Variants in PDIA4 observed in about 807,000 individuals in gnomAD.
The protein encoded by PDIA4 is protein disulfide-isomerase A4.
Under a neutral mutation model 62.1 loss-of-function variants are expected in PDIA4, and 33 were observed. The ratio of observed to expected loss-of-function variants is 0.53; its 90% CI spans 0.40 to 0.71. PDIA4 has a LOEUF of 0.71. PDIA4 is among the 30% of genes least tolerant of loss of function. The pLI, the probability that PDIA4 is intolerant of heterozygous loss-of-function variation, is 0.00. For missense variants in PDIA4, 804 were observed against 813.6 expected (o/e 0.99, Z 0.14); for synonymous variants, 341 against 324.1 (o/e 1.05, Z -0.56).
chr7:149,028,176 A>T, intron 1 of PDIA4, 145 bp downstream of exon 1: 2 of 617,278 alleles, frequency 3.2e-6, no homozygotes, highest in South Asian at 2.0e-5. Context: ...CAACTCCGCC[A>T]AGTTTACCCC....
At chr7:149,014,048 C>G (rs1413021209) in intron 4 of PDIA4, among the ~76,000 whole-genome samples, 1 of 152,210 alleles carries the variant, frequency 6.6e-6, no homozygotes, top group South Asian at 2.1e-4. Flanking sequence ...TCTCCCAGAT[C>G]ATTTCCTTCT....
chr7:149,023,422 T>C (rs998465018), intron 1 of PDIA4, among the ~76,000 whole-genome samples: 4 of 152,230 alleles, frequency 2.6e-5, no homozygotes, highest in African/African-American at 9.6e-5. Context: ...TCATTAAGAC[T>C]AAGCCCAAGT....
At chr7:149,017,638 T>C (rs1349578421) in intron 3 of PDIA4, among the ~76,000 whole-genome samples, 2 of 147,778 alleles carry the variant, frequency 1.4e-5, no homozygotes, top group African/African-American at 4.9e-5. Flanking sequence ...CAAAATAAAA[T>C]TAAATACATT....
At position 149,012,141 on chromosome 7, in the gene PDIA4, G is replaced by C; in HGVS notation, c.820+14C>G. 6.2e-7 allele frequency: 1 copy of C among 1,613,670 alleles called. No homozygotes were observed. The highest frequency in any genetic ancestry group is 8.5e-7 in the Non-Finnish European group (1 of 1,179,568). ...CCTTCCCCACTGTAGTGGGAGAGAA[G>C]GGAGTGGCCATACCATATTTTTCTC... On this transcript the variant is annotated intron_variant, in intron 5 of 9. Transcript: ENST00000652332.
rs368833465 is a variant in PDIA4, at chr7:149,015,091, C to A, written c.476-49G>T. 6.9e-6 allele frequency: 11 copies of A among 1,598,428 alleles called. No homozygotes were observed. In the African/African-American group the frequency reaches 1.3e-4, roughly 19 times the overall value. On this transcript the variant is annotated intron_variant, in intron 3 of 9. Transcript: ENST00000652332. Reference sequence around the variant, plus strand: ...AGCACACAAGGCCCAAACTGGCAGGCACTTCACCTCCCTCCAGAAGCAGAT... The same window carrying A: ...AGCACACAAGGCCCAAACTGGCAGGAACTTCACCTCCCTCCAGAAGCAGAT...
rs542391899 is a variant in PDIA4, at chr7:149,010,265, C to T, written c.979+1581G>A. On this transcript the variant is annotated intron_variant, in intron 6 of 9. Transcript: ENST00000652332. ...CTGTAATCCCAGCACTGTGGGAGGCCGAGGCAGGAGGATCACTTGAGCCCA... is the reference window on the plus strand; with the variant it reads ...CTGTAATCCCAGCACTGTGGGAGGCTGAGGCAGGAGGATCACTTGAGCCCA... Among the ~76,000 whole-genome samples the T allele has an allele frequency of 6.8e-4, 104 of 152,132 alleles. 1 individual carries two copies. The highest frequency in any genetic ancestry group is 6.8e-3 in the Middle Eastern group (2 of 294).
intron 4 of PDIA4, among the ~76,000 whole-genome samples, chr7:149,013,899 T>C (rs1389609427): frequency 6.6e-6 from 1 of 152,132 alleles, no homozygotes; most frequent in Non-Finnish European, 1.5e-5. Flanking sequence ...CAGTTAGATG[T>C]GCAGCTGCCA....
At chr7:149,013,104 T>C (rs572095024) in intron 4 of PDIA4, among the ~76,000 whole-genome samples, 1 of 152,094 alleles carries the variant, frequency 6.6e-6, no homozygotes, top group South Asian at 2.1e-4. Context: ...AGAAACTAGC[T>C]GGGCATGGTG....
At chr7:149,026,629 C>T (rs988327489) in intron 1 of PDIA4, among the ~76,000 whole-genome samples, 1 of 151,140 alleles carries the variant, frequency 6.6e-6, no homozygotes, top group Non-Finnish European at 1.5e-5. Flanking sequence ...CCAGCCTGGG[C>T]GACAGAGCCA....
intron 4 of PDIA4, 148 bp from the exon 5 acceptor site, chr7:149,012,508 C>A (rs1269214186): frequency 2.3e-5 from 15 of 664,296 alleles, no homozygotes; most frequent in Non-Finnish European, 2.9e-5. Flanking sequence ...CTCAGGCCCT[C>A]AGGTGCTGTT....
chr7:149,005,010 G>A, intron 9 of PDIA4, 131 bp downstream of exon 9: 2 of 722,786 alleles, frequency 2.8e-6, no homozygotes, highest in South Asian at 3.3e-5. Context: ...TCGGGGGTGA[G>A]AGAGGACTGC....
In PDIA4 at chr7:149,003,690, G is replaced by A; in HGVS notation, c.*104C>T. ...ATAAAAAATTAAAAAAAAAAAAAAA[G>A]GAATCCGAGATACTGTCGTTTGTTG... On this transcript the variant is annotated 3_prime_UTR_variant, in exon 10 of 10. Coordinates refer to ENST00000652332, the MANE Select transcript of PDIA4 (RefSeq NM_004911.5). The A allele has an allele frequency of 9.8e-6, 7 of 712,574 alleles. No homozygotes were observed. In the South Asian group the frequency reaches 1.0e-4, roughly 10 times the overall value. The allele number at this position is 712,574 out of a possible 1,614,324, so 44.1% of individuals were successfully genotyped here.
chr7:149,021,488 CAAAAAA>C (rs34989074), intron 1 of PDIA4, among the ~76,000 whole-genome samples: 1 of 64,932 alleles, frequency 1.5e-5, no homozygotes, highest in Non-Finnish European at 2.8e-5. Flanking sequence ...CACTTCATCT[CAAAAAA>C]AAAAAAAAAA....
In PDIA4 at chr7:149,021,346, G is replaced by A. The variant is rs185719794; in HGVS notation, c.89-199C>T. Among the ~76,000 whole-genome samples the A allele has an allele frequency of 7.4e-3, 1,123 of 151,950 alleles. 10 individuals are homozygous for A. The highest frequency in any genetic ancestry group is 0.024 in the Middle Eastern group (7 of 294). On this transcript the variant is annotated intron_variant, in intron 1 of 9. Transcript: ENST00000652332. The stretch of plus-strand genomic sequence containing the variant: ...TCTACTAAAAATACAAAAATTAGCC[G>A]GGCATGGTGGCACGCGCCTGTAGTC...
intron 3 of PDIA4, among the ~76,000 whole-genome samples, chr7:149,018,357 G>A (rs990207588): frequency 5.3e-5 from 8 of 152,086 alleles, no homozygotes; most frequent in African/African-American, 1.2e-4. Flanking sequence ...GATGACTGAC[G>A]CTTGCTAAAC....
intron 9 of PDIA4, 49 bp downstream of exon 9, chr7:149,005,092 G>A (rs368237309): frequency 8.9e-6 from 13 of 1,453,488 alleles, no homozygotes; most frequent in African/African-American, 8.3e-5. Context: ...GATTCCGCAC[G>A]AGGAGCACAG....
chr7:149,010,593 A>G (rs1481829764), intron 6 of PDIA4, among the ~76,000 whole-genome samples: 1 of 152,108 alleles, frequency 6.6e-6, no homozygotes. Context: ...GCAGAGACAG[A>G]CCCGCATCAA....
Position 149,005,383 on chromosome 7 carries a change from G to C in PDIA4, c.1289-9C>G, listed in dbSNP as rs767444606. 6.3e-6 allele frequency: 10 copies of C among 1,598,334 alleles called. No individual in the cohort carries two copies. The Admixed American group carries it at 1.0e-4, about 16-fold the overall frequency. On this transcript the variant is annotated splice_polypyrimidine_tract_variant and intron_variant, in intron 8 of 9. Coordinates refer to ENST00000652332, the MANE Select transcript of PDIA4 (RefSeq NM_004911.5). ...CCGCCAAAACTGAGTTGCTGAAAGG[G>C]ACCAAGGGCCATAAGCCAGGCGGCC...
At position 149,014,830 on chromosome 7, in the gene PDIA4, G is replaced by T. The variant is rs957061826; in HGVS notation, c.614+74C>A. The T allele has an allele frequency of 9.7e-6, 14 of 1,436,954 alleles. No individual in the cohort carries two copies. In the South Asian group the frequency reaches 1.3e-4, roughly 14 times the overall value. 89.0% of individuals were successfully genotyped at this position (1,436,954 alleles called of 1,614,324 possible). On this transcript the variant is annotated intron_variant, in intron 4 of 9. Transcript: ENST00000652332. ...TGCTCCTCTGCTGTTCCTGCCTCAC[G>T]GGCAGGGGCCTGCCACCCCGCACCT...
Sources: allele counts gnomAD v4.1 joint callset (sites outside exome capture counted in the v4.1 genomes callset), GRCh38; gene constraint gnomAD v4.1.1; transcripts MANE v1.5; gene names NCBI Gene and HGNC (gene_info 2026-07-23, HGNC 2026-07-21).